OLA1: variants seen among roughly 807,000 people sequenced by gnomAD.
OLA1 encodes obg-like ATPase 1.
In OLA1, 14 loss-of-function variants were observed where a neutral mutation model predicts 48.4. The observed-to-expected ratio is 0.29, with a 90% CI of 0.19 to 0.45. OLA1 has a LOEUF of 0.45. Ranked by LOEUF, OLA1 falls within the 20% of genes least tolerant of loss-of-function variation. OLA1 has a pLI of 1.00. For missense variants in OLA1, 325 were observed against 467.1 expected (o/e 0.70, Z 2.80); for synonymous variants, 127 against 150.4 (o/e 0.84, Z 1.14).
chr2:174,175,614 G>A (rs1364878417), intron 4 of OLA1, among the ~76,000 whole-genome samples: 1 of 151,978 alleles, frequency 6.6e-6, no homozygotes, highest in Admixed American at 6.6e-5. Context: ...CATATTGCTG[G>A]TGTGAAATCA....
chr2:174,123,041 T>A, intron 7 of OLA1, 139 bp downstream of exon 7: 3 of 553,154 alleles, frequency 5.4e-6, no homozygotes, highest in Non-Finnish European at 9.6e-6. Flanking sequence ...CAAGCACAGC[T>A]TTCTCATCCA....
intron 4 of OLA1, among the ~76,000 whole-genome samples, chr2:174,207,470 T>C (rs1688142869): frequency 6.6e-6 from 1 of 152,134 alleles, no homozygotes; most frequent in Non-Finnish European, 1.5e-5. Context: ...ATTCTAACCA[T>C]TTGCACAAAA....
At chr2:174,163,752 ATATATATATATATATATATAT>A in intron 4 of OLA1, among the ~76,000 whole-genome samples, 1 of 49,816 alleles carries the variant, frequency 2.0e-5, no homozygotes, top group African/African-American at 8.3e-5. Flanking sequence ...ATATATATAT[ATATATATATATATATATATAT>A]ATAAATAAAT....
At chr2:174,124,161 A>G (rs964971345) in intron 5 of OLA1, 1 of 152,160 alleles carries the variant, frequency 6.6e-6, no homozygotes, top group African/African-American at 2.4e-5. Flanking sequence ...TTTATTTTAG[A>G]TTAATTTTTT....
intron 5 of OLA1, among the ~76,000 whole-genome samples, chr2:174,137,566 T>C (rs1205157507): frequency 6.6e-6 from 1 of 152,230 alleles, no homozygotes. Context: ...TTGTTGACAT[T>C]GAACATCTGT....
At chr2:174,144,950 AAATATATAT>A (rs1433564847) in intron 4 of OLA1, among the ~76,000 whole-genome samples, 7 of 63,502 alleles carry the variant, frequency 1.1e-4, no homozygotes, top group African/African-American at 1.6e-4. Flanking sequence ...AAAAAAAAAA[AAATATATAT>A]ATATATATAT....
At chr2:174,210,915 C>A (rs550424804) in intron 4 of OLA1, among the ~76,000 whole-genome samples, 1 of 152,252 alleles carries the variant, frequency 6.6e-6, no homozygotes, top group South Asian at 2.1e-4. Context: ...AAATGAAATA[C>A]TGAATTCTCA....
intron 4 of OLA1, among the ~76,000 whole-genome samples, chr2:174,168,454 G>A (rs1473143923): frequency 6.6e-6 from 1 of 151,932 alleles, no homozygotes; most frequent in East Asian, 1.9e-4. Context: ...TCGCCATAAT[G>A]TAACATTCAT....
At chr2:174,105,229 T>C (rs1408980964) in intron 7 of OLA1, among the ~76,000 whole-genome samples, 4 of 152,048 alleles carry the variant, frequency 2.6e-5, no homozygotes, top group African/African-American at 9.6e-5. Context: ...AACTACACTA[T>C]AGTCCTTGAG....
intron 7 of OLA1, among the ~76,000 whole-genome samples, chr2:174,117,294 T>A (rs1241319903): frequency 6.6e-6 from 1 of 152,240 alleles, no homozygotes; most frequent in Non-Finnish European, 1.5e-5. Flanking sequence ...ACATTTTATA[T>A]GAACAATCTC....
rs187525718 is a variant in OLA1, at chr2:174,160,571, C to T, written c.374-18571G>A. ...ATGAATACTTCCCAGAGTAGGCACACCTGCCAATATATTAAAAATAAGTAA... is the reference window on the plus strand; with the variant it reads ...ATGAATACTTCCCAGAGTAGGCACATCTGCCAATATATTAAAAATAAGTAA... On this transcript the variant is annotated intron_variant, in intron 4 of 10. Transcript: ENST00000284719. 5.3e-5 allele frequency among the ~76,000 whole-genome samples: 8 copies of T among 152,240 alleles called. No individual in the cohort carries two copies. In the East Asian group the frequency reaches 1.5e-3, roughly 29 times the overall value.
At chr2:174,164,743 C>T (rs1293902314) in intron 4 of OLA1, among the ~76,000 whole-genome samples, 1 of 152,166 alleles carries the variant, frequency 6.6e-6, no homozygotes, top group Non-Finnish European at 1.5e-5. Flanking sequence ...TCTATACTCT[C>T]TTCTAGCTCC....
At chr2:174,149,953 TCA>T (rs1490222929) in intron 4 of OLA1, among the ~76,000 whole-genome samples, 1 of 152,228 alleles carries the variant, frequency 6.6e-6, no homozygotes, top group Admixed American at 6.5e-5. Flanking sequence ...TGGGTTGCAT[TCA>T]GTTTCTAGAG....
intron 5 of OLA1, among the ~76,000 whole-genome samples, chr2:174,137,786 G>C (rs1235678562): frequency 6.6e-6 from 1 of 152,322 alleles, no homozygotes; most frequent in African/African-American, 2.4e-5. Flanking sequence ...GAATTAAAGA[G>C]AGTTAGGACC....
chr2:174,190,966 A>AAAAAAAAAAAAAAAAAAAAAAAAC (rs1687762920), intron 4 of OLA1, among the ~76,000 whole-genome samples: 1 of 150,752 alleles, frequency 6.6e-6, no homozygotes. Flanking sequence ...AAAAAAAAAA[A>AAAAAAAAAAAAAAAAAAAAAAAAC]AAAGGAAAGT....
chr2:174,227,548 T>TA (rs1688642455), intron 3 of OLA1, among the ~76,000 whole-genome samples: 1 of 152,204 alleles, frequency 6.6e-6, no homozygotes, highest in African/African-American at 2.4e-5. Context: ...TGCAAGGGTA[T>TA]ATAAGCACTT....
chr2:174,191,811 C>T (rs1687783528), intron 4 of OLA1, among the ~76,000 whole-genome samples: 1 of 152,090 alleles, frequency 6.6e-6, no homozygotes, highest in African/African-American at 2.4e-5. Flanking sequence ...GTGGATCACA[C>T]CGTGCATTAT....
At position 174,247,731 on chromosome 2, in the gene OLA1, A is replaced by G. The variant is rs1689158073; in HGVS notation, c.-1+721T>C. On this transcript the variant is annotated intron_variant, in intron 1 of 10. Coordinates refer to ENST00000284719, the MANE Select transcript of OLA1 (RefSeq NM_013341.5). ...TTTGGCACTGAAGGTACGGCTCATCAGTCCTCATAAGCAACCTCCAAAATC... is the reference window on the plus strand; with the variant it reads ...TTTGGCACTGAAGGTACGGCTCATCGGTCCTCATAAGCAACCTCCAAAATC... The G allele has an allele frequency of 1.9e-6, 3 of 1,550,984 alleles. No individual in the cohort carries two copies. The African/African-American group carries it at 4.1e-5, about 21-fold the overall frequency.
At chr2:174,232,574 C>G (rs1323879211) in intron 2 of OLA1, among the ~76,000 whole-genome samples, 1 of 152,094 alleles carries the variant, frequency 6.6e-6, no homozygotes, top group Non-Finnish European at 1.5e-5. Context: ...CAGATTATTT[C>G]TCCAAAGAGA....
Sources: allele counts gnomAD v4.1 joint callset (sites outside exome capture counted in the v4.1 genomes callset), GRCh38; gene constraint gnomAD v4.1.1; transcripts MANE v1.5; gene names NCBI Gene and HGNC (gene_info 2026-07-23, HGNC 2026-07-21).